ZMYM2: variants seen among roughly 807,000 people sequenced by gnomAD.
ZMYM2 encodes zinc finger MYM-type containing 2.
ZMYM2 carries 56 observed loss-of-function variants against 162.8 expected under a neutral mutation model. The observed-to-expected ratio is 0.34, with a 90% confidence interval of 0.28 to 0.43. ZMYM2 has a LOEUF of 0.43. Ranked by LOEUF, ZMYM2 falls within the 20% of genes least tolerant of loss-of-function variation. ZMYM2 has a pLI of 1.00. For missense variants in ZMYM2, 1,275 were observed against 1,621.8 expected, an observed-to-expected ratio of 0.79 and a Z score of 3.67; for synonymous variants, 510 against 541.6, an observed-to-expected ratio of 0.94 and a Z score of 0.81.
the ZMYM2 span, among the ~76,000 whole-genome samples, chr13:19,881,896 C>A: frequency 6.7e-6 from 1 of 149,774 alleles, no homozygotes; most frequent in African/African-American, 2.5e-5. Flanking sequence ...GCAAGAGAAT[C>A]GCTTGAACTT....
At chr13:19,983,804 T>C (rs1948924112) in intron 2 of ZMYM2, among the ~76,000 whole-genome samples, 1 of 131,998 alleles carries the variant, frequency 7.6e-6, no homozygotes, top group Admixed American at 7.2e-5. Context: ...AATTTTCCTA[T>C]TTTTTGTAGA....
At chr13:20,063,057 C>T (rs1344102435) in intron 18 of ZMYM2, 86 bp downstream of exon 18, 29 of 1,390,524 alleles carry the variant, frequency 2.1e-5, no homozygotes, top group Non-Finnish European at 2.8e-5. Flanking sequence ...TGTGTCATTG[C>T]CTTTTAGCAG....
At chr13:19,884,569 G>T in the ZMYM2 span, among the ~76,000 whole-genome samples, 1 of 151,694 alleles carries the variant, frequency 6.6e-6, no homozygotes, top group Non-Finnish European at 1.5e-5. Context: ...AAGGAAACCT[G>T]TATCAAAAAG....
At chr13:20,022,929 A>G (rs1232129126) in intron 7 of ZMYM2, among the ~76,000 whole-genome samples, 1 of 152,194 alleles carries the variant, frequency 6.6e-6, no homozygotes, top group Non-Finnish European at 1.5e-5. Context: ...AAAGACAACC[A>G]ATTATATCAA....
chr13:19,904,716 C>T, the ZMYM2 span, among the ~76,000 whole-genome samples: 2 of 152,096 alleles, frequency 1.3e-5, no homozygotes, highest in African/African-American at 2.4e-5. Context: ...TCTCTCTTTT[C>T]CTGGATATCT....
At chr13:19,881,346 G>A in the ZMYM2 span, among the ~76,000 whole-genome samples, 1 of 152,058 alleles carries the variant, frequency 6.6e-6, no homozygotes, top group Non-Finnish European at 1.5e-5. Context: ...AGGGGGCCTG[G>A]TGCGGTGGCT....
chr13:19,891,654 T>C, the ZMYM2 span, among the ~76,000 whole-genome samples: 78 of 150,082 alleles, frequency 5.2e-4, no homozygotes, highest in Middle Eastern at 0.017. Flanking sequence ...GGCATGTACC[T>C]GTACTCCTAC....
chr13:20,066,191 A>C (rs1956661303), intron 19 of ZMYM2, among the ~76,000 whole-genome samples: 1 of 152,222 alleles, frequency 6.6e-6, no homozygotes, highest in Non-Finnish European at 1.5e-5. Context: ...ACATTAAACA[A>C]ATAACTATAT....
intron 3 of ZMYM2, among the ~76,000 whole-genome samples, chr13:20,002,386 G>A (rs1950461794): frequency 6.6e-6 from 1 of 152,168 alleles, no homozygotes; most frequent in Non-Finnish European, 1.5e-5. Context: ...CCATTAGCAT[G>A]AGGTTGATAC....
chr13:19,971,624 A>G (rs1165575851), intron 2 of ZMYM2, among the ~76,000 whole-genome samples: 1 of 152,244 alleles, frequency 6.6e-6, no homozygotes, highest in Non-Finnish European at 1.5e-5. Flanking sequence ...AAGTAATATC[A>G]GTATTCCAGC....
chr13:19,941,720 CTTTTTTTTTT>C, the ZMYM2 span, among the ~76,000 whole-genome samples: 4 of 63,004 alleles, frequency 6.3e-5, no homozygotes, highest in East Asian at 5.5e-4. Context: ...TGGCTTTCTG[CTTTTTTTTTT>C]TTTTTTTTTT....
At chr13:19,966,126 G>GTTTTTTTTTTTTTTTTTT (rs1190287938) in intron 2 of ZMYM2, among the ~76,000 whole-genome samples, 1 of 137,082 alleles carries the variant, frequency 7.3e-6, no homozygotes, top group African/African-American at 2.9e-5. Context: ...TTTTTTTTTT[G>GTTTTTTTTTTTTTTTTTT]TTTTTGTTTT....
chr13:20,088,775 ACTTTCC>A lies in ZMYM2; in HGVS notation c.*2766_*2771del, dbSNP rs1484510540. The A allele has an allele frequency of 1.0e-5, 2 of 195,494 alleles. No homozygotes were observed. The highest frequency in any genetic ancestry group is 4.6e-5 in the African/African-American group (2 of 43,308). The allele number at this position is 195,494 out of a possible 1,614,324, so 12.1% of individuals were successfully genotyped here. A position where few individuals can be genotyped will look rare whatever the true frequency, so the allele number is the denominator to read the frequency against. ...AATTTATCACTGTTTTTTCTGACAG[ACTTTCC>A]CTTTGTCCTTTCTAGTTATGACTTG... On this transcript the variant is annotated 3_prime_UTR_variant, in exon 25 of 25. Coordinates refer to ENST00000610343, the MANE Select transcript of ZMYM2 (RefSeq NM_197968.4).
In ZMYM2 at chr13:20,011,573, G is replaced by GTTTTTTTTTT. The variant is rs764404253; in HGVS notation, c.1512+4991_1512+4992insTTTTTTTTTT. ...GATGTGCAGAAGTTTTTATTTTTTT[G>GTTTTTTTTTT]TTTTATTTTTTTTTTTTTTGAGGGG... On this transcript the variant is annotated intron_variant, in intron 6 of 24. Transcript: ENST00000610343. Among the ~76,000 whole-genome samples, 3 of 144,204 alleles carry GTTTTTTTTTT rather than the reference G, an allele frequency of 2.1e-5. 1 individual carries two copies. Among genetic ancestry groups the GTTTTTTTTTT allele is most frequent in the African/African-American group, 7.9e-5 (3 of 37,924 alleles). The allele number at this position is 144,204 out of a possible 152,430, so 94.6% of individuals were successfully genotyped here.
At chr13:20,016,598 G>T (rs1236996766) in intron 6 of ZMYM2, among the ~76,000 whole-genome samples, 2 of 152,082 alleles carry the variant, frequency 1.3e-5, no homozygotes, top group African/African-American at 4.8e-5. Context: ...AGTTTTGGAT[G>T]ATAGTTTTGC....
At chr13:19,911,850 C>T in the ZMYM2 span, among the ~76,000 whole-genome samples, 2 of 152,208 alleles carry the variant, frequency 1.3e-5, no homozygotes, top group Non-Finnish European at 2.9e-5. Flanking sequence ...CTGTCTCAAT[C>T]TAGAAAAATC....
chr13:20,071,480 C>G (rs1957082604), intron 21 of ZMYM2, among the ~76,000 whole-genome samples: 1 of 152,180 alleles, frequency 6.6e-6, no homozygotes. Context: ...TTTAAGTACT[C>G]CTTTTGAGGT....
Position 20,019,622 on chromosome 13 carries a change from A to C in ZMYM2, c.1584+4A>C. 6.3e-7 allele frequency: 1 copy of C among 1,588,562 alleles called. No homozygotes were observed. Among genetic ancestry groups the C allele is most frequent in the Non-Finnish European group, 8.6e-7 (1 of 1,166,534 alleles). On this transcript the variant is annotated splice_donor_region_variant and intron_variant, in intron 7 of 24. Coordinates refer to ENST00000610343, the MANE Select transcript of ZMYM2 (RefSeq NM_197968.4). ...CTCTTTCTTAATGCAGCCTGAGGTA[A>C]GCAGGAATGTAAATGGAGTTCAAGG...
the ZMYM2 span, among the ~76,000 whole-genome samples, chr13:19,880,027 A>C: frequency 6.6e-6 from 1 of 152,066 alleles, no homozygotes; most frequent in South Asian, 2.1e-4. Flanking sequence ...TAGAAATTGG[A>C]GCTCTTGGTC....
Sources: gnomAD v4.1 joint callset for allele counts (sites outside exome capture counted in the v4.1 genomes callset) on GRCh38, gnomAD v4.1.1 for gene constraint, MANE v1.5 for transcripts, NCBI Gene and HGNC (gene_info 2026-07-23, HGNC 2026-07-21) for gene names.